The following UTRN variants were observed in gnomAD, a reference collection of about 807,000 sequenced individuals.
UTRN encodes the protein dystrophin-related protein 1.
UTRN carries 283 observed loss-of-function variants against 463.9 expected under a neutral mutation model. That is an observed-to-expected ratio of 0.61 (90% CI 0.55 to 0.67). The LOEUF is 0.67. Among genes scored for constraint, UTRN ranks in the 30% least tolerant of loss-of-function variants. UTRN has a pLI of 0.00. For synonymous variants in UTRN, 1,442 were observed against 1,431.5 expected (o/e 1.01, Z -0.17); for missense variants, 3,922 against 4,084.3 (o/e 0.96, Z 1.08).
chr6:144,829,724 A>AG lies in UTRN; in HGVS notation c.9665+869_9665+870insG, dbSNP rs58291402. Among the ~76,000 whole-genome samples the AG allele has an allele frequency of 3.0e-4, 46 of 151,848 alleles. 1 individual carries two copies. In the South Asian group the frequency reaches 9.1e-3, roughly 30 times the overall value. On this transcript the variant is annotated intron_variant, in intron 69 of 74. Transcript: ENST00000367545. ...GTGTTTTCACTAAAAAAAAAAAAAA[A>AG]CTATGGAGAGTGCTAGGTTAAAATA... is the stretch of plus-strand genomic sequence containing the variant.
chr6:144,555,984 C>T (rs946687536), intron 49 of UTRN, among the ~76,000 whole-genome samples: 5 of 152,160 alleles, frequency 3.3e-5, no homozygotes, highest in African/African-American at 7.2e-5. Context: ...TTATCAATTT[C>T]GTAATAGCAG....
intron 54 of UTRN, among the ~76,000 whole-genome samples, chr6:144,740,369 G>A (rs1562845456): frequency 6.6e-6 from 1 of 152,072 alleles, no homozygotes; most frequent in Non-Finnish European, 1.5e-5. Flanking sequence ...ATACCACGCT[G>A]CATAATGGAA....
chr6:144,522,659 G>A (rs1165687016), intron 40 of UTRN, among the ~76,000 whole-genome samples: 1 of 152,086 alleles, frequency 6.6e-6, no homozygotes, highest in Non-Finnish European at 1.5e-5. Flanking sequence ...ATTTGATAGT[G>A]CATTCCTCTC....
At chr6:144,318,178 C>A (rs1211959980) in intron 2 of UTRN, among the ~76,000 whole-genome samples, 1 of 152,146 alleles carries the variant, frequency 6.6e-6, no homozygotes, top group Non-Finnish European at 1.5e-5. Context: ...CCCAATTCTT[C>A]AAAGGAAAAT....
At chr6:144,336,321 T>C (rs1776717820) in intron 2 of UTRN, among the ~76,000 whole-genome samples, 1 of 152,136 alleles carries the variant, frequency 6.6e-6, no homozygotes, top group African/African-American at 2.4e-5. Context: ...CCTTCAGGGC[T>C]TGGGGACGTC....
intron 53 of UTRN, among the ~76,000 whole-genome samples, chr6:144,729,396 A>C (rs1019472339): frequency 3.9e-5 from 6 of 152,228 alleles, no homozygotes; most frequent in African/African-American, 1.4e-4. Flanking sequence ...CTAAAAATTT[A>C]GTTGTCTTCA....
At position 144,516,883 on chromosome 6, in the gene UTRN, G is replaced by T; in HGVS notation, c.5476G>T (p.Asp1826Tyr). Residue 1826 changes from aspartate to tyrosine, a missense_variant, in exon 39 of 75, where the codon GAT (aspartate) becomes TAT (tyrosine). Physicochemically the swap from Asp to Tyr is radical, Grantham distance 160. Transcript: ENST00000367545. ...AGAAATGTTACATCAACCTATGGAA[G>T]ATAATAAAAAAGAAAAGATCCGTTT... is the stretch of plus-strand genomic sequence containing the variant. ...GEEMLHQPME[D>Y]NKKEKIRLQL... 1 of 1,512,024 alleles carries T rather than the reference G, an allele frequency of 6.6e-7. No homozygotes were observed. The highest frequency in any genetic ancestry group is 8.8e-7 in the Non-Finnish European group (1 of 1,131,450). 93.7% of individuals were successfully genotyped at this position (1,512,024 alleles called of 1,614,324 possible). A position where few individuals can be genotyped will look rare whatever the true frequency, so the allele number is the denominator to read the frequency against.
chr6:144,380,218 A>G (rs1780788063), intron 2 of UTRN, among the ~76,000 whole-genome samples: 2 of 152,196 alleles, frequency 1.3e-5, no homozygotes, highest in African/African-American at 4.8e-5. Context: ...TAAAATACCT[A>G]TGAAGCTTTA....
At chr6:144,408,817 T>C (rs772514473) in intron 3 of UTRN, among the ~76,000 whole-genome samples, 1 of 152,228 alleles carries the variant, frequency 6.6e-6, no homozygotes, top group African/African-American at 2.4e-5. Context: ...GGGAGATTTG[T>C]ACAGGAGGTG....
intron 26 of UTRN, 69 bp from the exon 27 acceptor site, chr6:144,482,140 G>T: frequency 2.3e-6 from 3 of 1,305,026 alleles, no homozygotes; most frequent in Non-Finnish European, 3.0e-6. Flanking sequence ...GAAAAAAAAA[G>T]AAAGAAAAGA....
chr6:144,394,982 T>A (rs894793756), intron 2 of UTRN, among the ~76,000 whole-genome samples: 3 of 151,968 alleles, frequency 2.0e-5, no homozygotes, highest in Admixed American at 2.0e-4. Flanking sequence ...GTTTTCCCCA[T>A]TTTTTTTCCA....
At chr6:144,667,220 A>G (rs1188445937) in intron 51 of UTRN, among the ~76,000 whole-genome samples, 1 of 151,808 alleles carries the variant, frequency 6.6e-6, no homozygotes, top group East Asian at 1.9e-4. Flanking sequence ...ACACCCAGCT[A>G]ATTTTTTTCT....
At chr6:144,389,161 A>C (rs1781681167) in intron 2 of UTRN, among the ~76,000 whole-genome samples, 1 of 152,132 alleles carries the variant, frequency 6.6e-6, no homozygotes, top group Non-Finnish European at 1.5e-5. Context: ...AGGCAGGACA[A>C]CTCGAAGTGG....
intron 54 of UTRN, among the ~76,000 whole-genome samples, chr6:144,743,640 T>C (rs1193979579): frequency 6.6e-6 from 1 of 152,228 alleles, no homozygotes; most frequent in East Asian, 1.9e-4. Context: ...TTCCAAATCC[T>C]AGTCTCTGTT....
At chr6:144,324,893 T>C (rs1339359817) in intron 2 of UTRN, among the ~76,000 whole-genome samples, 1 of 152,186 alleles carries the variant, frequency 6.6e-6, no homozygotes, top group Admixed American at 6.5e-5. Flanking sequence ...GTTGCCAGGA[T>C]TGTTTGAGGT....
At chr6:144,842,065 G>A (rs192749793) in intron 73 of UTRN, among the ~76,000 whole-genome samples, 36 of 137,160 alleles carry the variant, frequency 2.6e-4, no homozygotes, top group Non-Finnish European at 3.5e-4. Context: ...AGCCGAGATC[G>A]TGCCACCGCA....
intron 2 of UTRN, among the ~76,000 whole-genome samples, chr6:144,343,807 T>C (rs1354349855): frequency 6.6e-6 from 1 of 152,134 alleles, no homozygotes; most frequent in East Asian, 1.9e-4. Context: ...CTAAGGCCAG[T>C]TGTATACCCA....
At chr6:144,686,337 A>C (rs985687117) in intron 52 of UTRN, among the ~76,000 whole-genome samples, 1 of 152,128 alleles carries the variant, frequency 6.6e-6, no homozygotes, top group African/African-American at 2.4e-5. Flanking sequence ...AATGTTCCAT[A>C]TGCTGATGAG....
intron 26 of UTRN, among the ~76,000 whole-genome samples, chr6:144,481,670 C>G (rs4243471): frequency 6.6e-6 from 1 of 152,268 alleles, no homozygotes; most frequent in African/African-American, 2.4e-5. Flanking sequence ...GGATAACTTA[C>G]GTTAACACTG....
Sources: gnomAD v4.1 joint callset for allele counts (sites outside exome capture counted in the v4.1 genomes callset) on GRCh38, gnomAD v4.1.1 for gene constraint, MANE v1.5 for transcripts, NCBI Gene and HGNC (gene_info 2026-07-23, HGNC 2026-07-21) for gene names.